DNASE1: variants seen among roughly 807,000 people sequenced by gnomAD.
The protein encoded by DNASE1 is deoxyribonuclease 1, also known as deoxyribonuclease-1.
In DNASE1, 40 loss-of-function variants were observed where a neutral mutation model predicts 33.9. That is an observed-to-expected ratio of 1.18 (90% CI 0.92 to 1.54). DNASE1 has a LOEUF of 1.54. Among genes scored for constraint, DNASE1 ranks in the 40% most tolerant of loss-of-function variants. The pLI, the probability that DNASE1 is intolerant of heterozygous loss-of-function variation, is 0.00. For synonymous variants in DNASE1, 216 were observed against 160.0 expected (o/e 1.35, Z -2.64); for missense variants, 518 against 372.6 (o/e 1.39, Z -3.21).
intron 1 of DNASE1, among the ~76,000 whole-genome samples, chr16:3,618,596 G>C (rs114287258): frequency 9.2e-4 from 140 of 152,296 alleles, no homozygotes; most frequent in African/African-American, 3.2e-3. Flanking sequence ...CGGGCTTGGT[G>C]GTGGGTGCCT....
chr16:3,656,118 T>TATC lies in DNASE1; in HGVS notation c.255_257dup (p.His86dup). 6.2e-7 allele frequency: 1 copy of TATC among 1,614,060 alleles called. No homozygotes were observed. The highest frequency in any genetic ancestry group is 1.1e-5 in the South Asian group (1 of 91,084). The stretch of plus-strand genomic sequence containing the variant: ...TCAATCCAGGGATGCACCAGACACC[T>TATC]ATCACTACGTGGTCAGTGAGCCACT... On this transcript the variant is annotated inframe_insertion, in exon 4 of 9. Transcript: ENST00000246949.
downstream of DNASE1, chr16:3,658,386 C>T (rs1426168011): frequency 2.8e-5 from 19 of 668,306 alleles, 1 homozygote; most frequent in Admixed American, 2.5e-4. Flanking sequence ...TCCCAAAGTG[C>T]TGGGATTACA....
At chr16:3,633,451 AC>A (rs2041762407) in intron 1 of DNASE1, among the ~76,000 whole-genome samples, 1 of 152,098 alleles carries the variant, frequency 6.6e-6, no homozygotes, top group Non-Finnish European at 1.5e-5. Context: ...TACTAAAAAT[AC>A]AAAAAATTAG....
At position 3,656,997 on chromosome 16, in the gene DNASE1, A is replaced by C. The variant is rs780689531; in HGVS notation, c.437-2A>C. 1 of 1,613,396 alleles carries C rather than the reference A, an allele frequency of 6.2e-7. No individual in the cohort carries two copies. The highest frequency in any genetic ancestry group is 8.5e-7 in the Non-Finnish European group (1 of 1,179,850). The stretch of plus-strand genomic sequence containing the variant: ...CCTCACACGACGTGGCTGTCTCCAC[A>C]GAGGTCAGGGAGTTTGCCATTGTTC... On this transcript the variant is annotated splice_acceptor_variant, in intron 5 of 8. Transcript: ENST00000246949. LOFTEE classifies it high-confidence loss of function.
intron 1 of DNASE1, among the ~76,000 whole-genome samples, chr16:3,613,015 A>C (rs112345699): frequency 8.5e-5 from 13 of 152,278 alleles, no homozygotes; most frequent in African/African-American, 2.9e-4. Flanking sequence ...TAAAATGCAC[A>C]CTAGAAGTGT....
chr16:3,630,019 A>G (rs1040830764), intron 1 of DNASE1, among the ~76,000 whole-genome samples: 2 of 151,876 alleles, frequency 1.3e-5, no homozygotes, highest in African/African-American at 2.4e-5. Context: ...AGATTTTACC[A>G]TGTTGGCCAG....
chr16:3,625,077 C>T (rs1017497461), intron 1 of DNASE1, among the ~76,000 whole-genome samples: 16 of 152,048 alleles, frequency 1.1e-4, no homozygotes, highest in South Asian at 2.1e-4. Flanking sequence ...GAGGCCTAGG[C>T]GGGCGGATCA....
intron 1 of DNASE1, among the ~76,000 whole-genome samples, chr16:3,647,453 T>G (rs73505452): frequency 2.3e-3 from 346 of 152,174 alleles, no homozygotes; most frequent in African/African-American, 8.0e-3. Context: ...TTTTAATTTT[T>G]TGTAGAGACA....
upstream of DNASE1, among the ~76,000 whole-genome samples, chr16:3,642,538 C>G (rs2042053901): frequency 6.6e-6 from 1 of 152,086 alleles, no homozygotes; most frequent in Admixed American, 6.5e-5. Context: ...CCAGCATGTT[C>G]TCCGTGAGCA....
chr16:3,633,668 A>G (rs2041773837), intron 1 of DNASE1, among the ~76,000 whole-genome samples: 1 of 152,030 alleles, frequency 6.6e-6, no homozygotes, highest in Non-Finnish European at 1.5e-5. Flanking sequence ...GTTACAACTA[A>G]TCCAATTCCA....
upstream of DNASE1, chr16:3,641,202 C>T: frequency 2.7e-6 from 1 of 371,346 alleles, no homozygotes. Context: ...TCCATGTGGG[C>T]CACAGGGGAG....
chr16:3,647,378 A>G (rs1359978279), intron 1 of DNASE1, among the ~76,000 whole-genome samples: 2 of 151,550 alleles, frequency 1.3e-5, no homozygotes, highest in African/African-American at 2.4e-5. Context: ...GGCTCACACA[A>G]TCCTCCTACC....
At chr16:3,637,599 C>G (rs182468845) in intron 1 of DNASE1, among the ~76,000 whole-genome samples, 16 of 152,274 alleles carry the variant, frequency 1.1e-4, no homozygotes, top group African/African-American at 3.9e-4. Context: ...TGATGAGGAT[C>G]TTATAAAACC....
rs779287454 is a variant in DNASE1 at position 3,657,268 on chromosome 16, A to G, written c.631A>G (p.Ser211Gly). Residue 211 changes from serine (S) to glycine (G), a missense_variant, in exon 7 of 9, where the codon AGC becomes GGC. Transcript: ENST00000246949. ...SQWSSIRLWT[S>G]PTFQWLIPDS... Reference sequence around the variant, plus strand: ...GTGGTCATCCATCCGCCTGTGGACAAGCCCCACCTTCCAGTGGCTGATCCC... The same window carrying G: ...GTGGTCATCCATCCGCCTGTGGACAGGCCCCACCTTCCAGTGGCTGATCCC... 6.2e-7 allele frequency: 1 copy of G among 1,614,050 alleles called. No homozygotes were observed. Among genetic ancestry groups the G allele is most frequent in the African/African-American group, 1.3e-5 (1 of 75,070 alleles).
At chr16:3,625,028 C>CG (rs1243301589) in intron 1 of DNASE1, among the ~76,000 whole-genome samples, 3 of 151,966 alleles carry the variant, frequency 2.0e-5, no homozygotes, top group African/African-American at 4.8e-5. Flanking sequence ...TAATGGGGGC[C>CG]GGGGGCAGTG....
chr16:3,657,901 T>C lies in DNASE1; in HGVS notation c.802-5T>C. On this transcript the variant is annotated splice_region_variant and splice_polypyrimidine_tract_variant and intron_variant, in intron 8 of 8. Transcript: ENST00000246949. ...AGCCCAGACCCTGTGCCCACTTGCC[T>C]GCAGGCCCAAGCCATCAGTGACCAC... 6.2e-7 allele frequency: 1 copy of C among 1,613,978 alleles called. No homozygotes were observed. The highest frequency in any genetic ancestry group is 8.5e-7 in the Non-Finnish European group (1 of 1,179,992).
chr16:3,630,480 T>C (rs1223732974), intron 1 of DNASE1, among the ~76,000 whole-genome samples: 1 of 152,214 alleles, frequency 6.6e-6, no homozygotes, highest in Non-Finnish European at 1.5e-5. Context: ...TGTTTCTGGC[T>C]ATTTCTCCCT....
At position 3,654,868 on chromosome 16, in the gene DNASE1, T is replaced by C; in HGVS notation, c.-178T>C. 2.4e-6 allele frequency: 1 copy of C among 420,078 alleles called. No homozygotes were observed. The highest frequency in any genetic ancestry group is 4.2e-6 in the Non-Finnish European group (1 of 239,572). The allele number at this position is 420,078 out of a possible 1,614,324, so 26.0% of individuals were successfully genotyped here. ...TTAAAACTCCCAGACACGCACTGCCTGTGCAGGATCCGGAGCCCAGCAGCA... is the reference window on the plus strand; with the variant it reads ...TTAAAACTCCCAGACACGCACTGCCCGTGCAGGATCCGGAGCCCAGCAGCA... On this transcript the variant is annotated 5_prime_UTR_variant, in exon 1 of 9. Coordinates refer to ENST00000246949, the MANE Select transcript of DNASE1 (RefSeq NM_005223.4).
chr16:3,622,082 T>C (rs1182082934), intron 1 of DNASE1, among the ~76,000 whole-genome samples: 1 of 152,034 alleles, frequency 6.6e-6, no homozygotes, highest in Non-Finnish European at 1.5e-5. Flanking sequence ...TAGCTGGGCA[T>C]GGTGGCGCAC....
Sources: gnomAD v4.1 joint callset for allele counts (sites outside exome capture counted in the v4.1 genomes callset) on GRCh38, gnomAD v4.1.1 for gene constraint, MANE v1.5 for transcripts, NCBI Gene and HGNC (gene_info 2026-07-23, HGNC 2026-07-21) for gene names.